Variants in ARID4B observed in about 807,000 individuals in gnomAD.
ARID4B encodes AT-rich interactive domain-containing protein 4B.
ARID4B carries 26 observed loss-of-function variants against 147.5 expected under a neutral mutation model. The observed-to-expected ratio is 0.18, with a 90% CI of 0.13 to 0.24. The LOEUF is 0.24. Ranked by LOEUF, ARID4B falls within the 10% of genes least tolerant of loss-of-function variation. ARID4B has a pLI of 1.00. For synonymous variants in ARID4B, 512 were observed against 507.9 expected, an observed-to-expected ratio of 1.01 and a Z score of -0.11; for missense variants, 1,179 against 1,511.5, an observed-to-expected ratio of 0.78 and a Z score of 3.65.
rs147706785 is a variant in ARID4B at position 235,264,192 on chromosome 1, C to T, written c.7-3440G>A. 5.9e-3 allele frequency among the ~76,000 whole-genome samples: 895 copies of T among 152,262 alleles called. 12 individuals carry two copies. Among genetic ancestry groups the T allele is most frequent in the African/African-American group, 0.021 (853 of 41,548 alleles). ...TTTCTGTTCCTAAATTCTCATTCAG[C>T]ACAATAATTTGAATCTTACACATAA... On this transcript the variant is annotated intron_variant, in intron 2 of 23. Transcript: ENST00000264183.
rs771166999 is a variant in ARID4B at position 235,187,024 on chromosome 1, GTTCTTTTCTTTTTCACTGCATCTTA to G, written c.2126-4256_2126-4232del. The stretch of plus-strand genomic sequence containing the variant: ...AGATTTTTATCTCCAAGTCTTTCTT[GTTCTTTTCTTTTTCACTGCATCTTA>G]TTCTTTTCTTTTTCACTGCATCTTA... On this transcript the variant is annotated intron_variant, in intron 19 of 23. Transcript: ENST00000264183. The G allele has an allele frequency of 3.0e-3, 1,022 of 339,572 alleles. 18 individuals are homozygous for G. The highest frequency in any genetic ancestry group is 0.022 in the African/African-American group (925 of 41,870). The allele number at this position is 339,572 out of a possible 1,614,324, so 21.0% of individuals were successfully genotyped here.
chr1:235,176,470 G>T (rs1245709808), intron 21 of ARID4B, among the ~76,000 whole-genome samples: 2 of 91,310 alleles, frequency 2.2e-5, no homozygotes, highest in Non-Finnish European at 4.2e-5. Context: ...AAAAAAAAAG[G>T]AGTTAAACTC....
chr1:235,251,069 T>G (rs1213747031), intron 6 of ARID4B, among the ~76,000 whole-genome samples: 2 of 152,176 alleles, frequency 1.3e-5, no homozygotes, highest in Non-Finnish European at 2.9e-5. Context: ...CTGTCTGTAT[T>G]TATTGTATGT....
At chr1:235,230,067 G>A (rs2103046199) in intron 10 of ARID4B, among the ~76,000 whole-genome samples, 1 of 152,244 alleles carries the variant, frequency 6.6e-6, no homozygotes, top group Non-Finnish European at 1.5e-5. Flanking sequence ...TAAAACTACT[G>A]GAGCCTTGTG....
At chr1:235,236,061 G>A (rs1668534041) in intron 8 of ARID4B, among the ~76,000 whole-genome samples, 1 of 151,378 alleles carries the variant, frequency 6.6e-6, no homozygotes, top group Non-Finnish European at 1.5e-5. Context: ...CAAGTAGCTG[G>A]GACTACAGGC....
At chr1:235,206,498 G>A (rs569796970) in intron 17 of ARID4B, among the ~76,000 whole-genome samples, 2 of 152,102 alleles carry the variant, frequency 1.3e-5, no homozygotes, top group Non-Finnish European at 2.9e-5. Flanking sequence ...ATATCAGAAA[G>A]AAATAGGGGA....
chr1:235,252,897 C>G (rs1438082754), intron 5 of ARID4B, 88 bp from the exon 6 acceptor site: 5 of 999,412 alleles, frequency 5.0e-6, no homozygotes, highest in Non-Finnish European at 7.6e-6. Flanking sequence ...TGAGTGCAAA[C>G]AGATCTACTA....
intron 17 of ARID4B, among the ~76,000 whole-genome samples, chr1:235,206,751 G>A (rs969342958): frequency 6.6e-6 from 1 of 152,188 alleles, no homozygotes; most frequent in African/African-American, 2.4e-5. Context: ...GGTCACTAGT[G>A]TTCCTGGTAA....
At chr1:235,198,787 C>T (rs1665675668) in intron 17 of ARID4B, among the ~76,000 whole-genome samples, 1 of 152,166 alleles carries the variant, frequency 6.6e-6, no homozygotes, top group Non-Finnish European at 1.5e-5. Context: ...CCTTACTATT[C>T]TGGAAAATTT....
intron 2 of ARID4B, among the ~76,000 whole-genome samples, chr1:235,304,038 T>G (rs1176145930): frequency 6.6e-6 from 1 of 152,146 alleles, no homozygotes; most frequent in Non-Finnish European, 1.5e-5. Context: ...ACATTTCTCA[T>G]ATACTGAAAA....
At chr1:235,303,817 C>T (rs1429597816) in intron 2 of ARID4B, among the ~76,000 whole-genome samples, 2 of 152,156 alleles carry the variant, frequency 1.3e-5, no homozygotes, top group African/African-American at 2.4e-5. Context: ...AATAAGCACT[C>T]TTTTATCATA....
chr1:235,232,744 A>G (rs1294315218), intron 9 of ARID4B, among the ~76,000 whole-genome samples: 1 of 152,092 alleles, frequency 6.6e-6, no homozygotes, highest in Non-Finnish European at 1.5e-5. Flanking sequence ...CTTACCCCCC[A>G]ACAATTTAAT....
chr1:235,221,923 A>G (rs1667501022), intron 13 of ARID4B, among the ~76,000 whole-genome samples: 1 of 35,790 alleles, frequency 2.8e-5, no homozygotes, highest in Non-Finnish European at 5.0e-5. Flanking sequence ...TTTTTTTTGG[A>G]GACAGGATCT....
intron 6 of ARID4B, among the ~76,000 whole-genome samples, chr1:235,250,480 TTTGA>T (rs1215831863): frequency 6.6e-6 from 1 of 152,192 alleles, no homozygotes; most frequent in Non-Finnish European, 1.5e-5. Flanking sequence ...TTAAAATATG[TTTGA>T]TTGTTTGATT....
chr1:235,201,100 G>A (rs1475560953), intron 17 of ARID4B, among the ~76,000 whole-genome samples: 3 of 152,112 alleles, frequency 2.0e-5, no homozygotes, highest in African/African-American at 7.2e-5. Context: ...AGCCAAGATC[G>A]CACCACTGTG....
At chr1:235,327,196 C>T in intron 1 of ARID4B, 1 of 410,306 alleles carries the variant, frequency 2.4e-6, no homozygotes, top group South Asian at 3.3e-5. Flanking sequence ...TGTCGAGACC[C>T]GACGGAGTTT....
chr1:235,216,283 A>G (rs1431157837), intron 16 of ARID4B, among the ~76,000 whole-genome samples: 1 of 151,852 alleles, frequency 6.6e-6, no homozygotes, highest in Non-Finnish European at 1.5e-5. Flanking sequence ...GAAACCAGCT[A>G]TAATCTGAGA....
chr1:235,257,742 G>A lies in ARID4B; in HGVS notation c.118-517C>T, dbSNP rs1670073482. The stretch of plus-strand genomic sequence containing the variant: ...GTGATCCGCCCGCCTTGACCTACCA[G>A]AGTGCTGGGATTACAGGTGTGAGTC... On this transcript the variant is annotated intron_variant, in intron 3 of 23. Coordinates refer to ENST00000264183, the MANE Select transcript of ARID4B (RefSeq NM_016374.6). Among the ~76,000 whole-genome samples the A allele has an allele frequency of 2.6e-5, 4 of 152,182 alleles. No homozygotes were observed. The South Asian group carries it at 8.3e-4, about 32-fold the overall frequency.
chr1:235,284,831 C>A (rs1037268991), intron 2 of ARID4B, among the ~76,000 whole-genome samples: 1 of 152,130 alleles, frequency 6.6e-6, no homozygotes, highest in Non-Finnish European at 1.5e-5. Flanking sequence ...GAGCTCAAGA[C>A]CAGCCTGGGC....
Sources: allele counts gnomAD v4.1 joint callset (sites outside exome capture counted in the v4.1 genomes callset), GRCh38; gene constraint gnomAD v4.1.1; transcripts MANE v1.5; gene names NCBI Gene and HGNC (gene_info 2026-07-23, HGNC 2026-07-21).